Variants in CCDC7 observed in about 807,000 individuals in gnomAD.
CCDC7 encodes the protein coiled-coil domain-containing protein 7.
CCDC7 carries 183 observed loss-of-function variants against 196.9 expected under a neutral mutation model. The ratio of observed to expected loss-of-function variants is 0.93; its 90% CI spans 0.82 to 1.05. CCDC7 has a LOEUF of 1.05. Among genes scored for constraint, CCDC7 ranks in the 50% least tolerant of loss-of-function variants. The probability of loss-of-function intolerance (pLI) is 0.00; values close to 1 mark genes in which losing one functional copy is unlikely to be tolerated. For missense variants in CCDC7, 1,540 were observed against 1,482.2 expected, an observed-to-expected ratio of 1.04 and a Z score of -0.64; for synonymous variants, 525 against 484.6, an observed-to-expected ratio of 1.08 and a Z score of -1.10.
chr10:32,471,277 G>A (rs959263683), intron 6 of CCDC7, 47 bp downstream of exon 7: 2 of 1,579,098 alleles, frequency 1.3e-6, no homozygotes, highest in Non-Finnish European at 1.7e-6. Flanking sequence ...GTAAGAAAGG[G>A]TATATAATTA....
intron 25 of CCDC7, among the ~76,000 whole-genome samples, chr10:32,721,541 C>G (rs958148362): frequency 6.6e-6 from 1 of 152,088 alleles, no homozygotes; most frequent in Non-Finnish European, 1.5e-5. Flanking sequence ...TGGGTGTCAT[C>G]TAGATTTCTG....
intron 33 of CCDC7, among the ~76,000 whole-genome samples, chr10:32,844,832 G>A (rs1311735499): frequency 6.6e-6 from 1 of 151,720 alleles, no homozygotes; most frequent in African/African-American, 2.4e-5. Context: ...AATAAGACAT[G>A]TTGTGACTCT....
upstream of CCDC7, among the ~76,000 whole-genome samples, chr10:32,445,532 AT>A (rs1397397967): frequency 6.6e-6 from 1 of 152,180 alleles, no homozygotes; most frequent in African/African-American, 2.4e-5. Context: ...ATATTTTAAA[AT>A]ATTAAAAACA....
intron 13 of CCDC7, among the ~76,000 whole-genome samples, chr10:32,561,817 A>G (rs1205017059): frequency 6.6e-6 from 1 of 152,230 alleles, no homozygotes; most frequent in East Asian, 1.9e-4. Context: ...GAACTGAAGG[A>G]AATAGAGACA....
chr10:32,847,940 A>C, intron 38 of CCDC7, 24 bp downstream of exon 39: 1 of 1,422,868 alleles, frequency 7.0e-7, no homozygotes, highest in East Asian at 2.3e-5. Context: ...TTTTAAGTCT[A>C]ATATTTACAG....
intron 8 of CCDC7, among the ~76,000 whole-genome samples, chr10:32,490,408 T>G (rs7092132): frequency 0.043 from 6,526 of 152,332 alleles, 145 homozygotes; most frequent in Middle Eastern, 0.065. Flanking sequence ...AAATTGTGGC[T>G]GAAATAATAG....
rs753960854 is a variant in CCDC7, at chr10:32,854,504, A to T, written c.4111+15A>T. 3.7e-6 allele frequency: 5 copies of T among 1,355,272 alleles called. No homozygotes were observed. Among genetic ancestry groups the T allele is most frequent in the Non-Finnish European group, 4.2e-6 (4 of 953,468 alleles). 84.0% of individuals were successfully genotyped at this position (1,355,272 alleles called of 1,614,324 possible). ...TACCTATAAAGGTAAAAGAATCACT[A>T]CAATACAGACATATGAAATAAAACT... On this transcript the variant is annotated intron_variant, in intron 41 of 41. Transcript: ENST00000639629.
At chr10:32,727,467 T>G (rs112753778) in intron 26 of CCDC7, among the ~76,000 whole-genome samples, 24 of 152,114 alleles carry the variant, frequency 1.6e-4, no homozygotes, top group African/African-American at 5.8e-4. Context: ...GATAGGCGAC[T>G]GCACATCATC....
At chr10:32,500,416 G>A (rs890055317) in intron 9 of CCDC7, among the ~76,000 whole-genome samples, 7 of 150,722 alleles carry the variant, frequency 4.6e-5, no homozygotes, top group Non-Finnish European at 7.4e-5. Flanking sequence ...ACGGGGTCAC[G>A]GCCAGGCAGA....
At chr10:32,709,247 C>G (rs1419844077) in intron 24 of CCDC7, among the ~76,000 whole-genome samples, 2 of 146,644 alleles carry the variant, frequency 1.4e-5, no homozygotes, top group Non-Finnish European at 3.0e-5. Context: ...CACATGTTCT[C>G]ACTCATAGGT....
chr10:32,816,690 T>C (rs1264596225), intron 31 of CCDC7, among the ~76,000 whole-genome samples: 1 of 152,172 alleles, frequency 6.6e-6, no homozygotes, highest in East Asian at 1.9e-4. Flanking sequence ...ATATCCGCTG[T>C]TCTGCAGCCT....
chr10:32,819,915 A>G (rs1202107041), intron 31 of CCDC7, among the ~76,000 whole-genome samples: 6 of 152,324 alleles, frequency 3.9e-5, no homozygotes, highest in South Asian at 2.1e-4. Context: ...CAAGACAGGG[A>G]TGTCCTCTCT....
intron 18 of CCDC7, among the ~76,000 whole-genome samples, chr10:32,598,294 C>A (rs748037621): frequency 2.0e-5 from 3 of 152,182 alleles, no homozygotes; most frequent in Non-Finnish European, 2.9e-5. Flanking sequence ...AGATGTGGGA[C>A]CCTCCGAGTC....
intron 22 of CCDC7, 138 bp downstream of exon 23, chr10:32,686,218 G>C (rs947066188): frequency 7.8e-6 from 4 of 511,152 alleles, no homozygotes; most frequent in African/African-American, 4.0e-5. Flanking sequence ...GATAACTAGA[G>C]AACAAAAGCT....
intron 20 of CCDC7, among the ~76,000 whole-genome samples, chr10:32,640,149 T>C (rs956122765): frequency 3.9e-4 from 60 of 152,128 alleles, no homozygotes; most frequent in African/African-American, 1.4e-3. Flanking sequence ...GGTGTTAAAG[T>C]CTCCCATTAT....
chr10:32,689,009 G>T, intron 22 of CCDC7, 44 bp from the exon 24 acceptor site: 1 of 1,225,718 alleles, frequency 8.2e-7, no homozygotes, highest in East Asian at 2.4e-5. Flanking sequence ...ATTTCAAATG[G>T]ATTTATTTGT....
chr10:32,647,481 C>CTTGGGTGACAGAGTG (rs2140072176), intron 20 of CCDC7, among the ~76,000 whole-genome samples: 2 of 6,350 alleles, frequency 3.1e-4, no homozygotes, highest in Non-Finnish European at 9.7e-4. Context: ...CTTTTCTCCA[C>CTTGGGTGACAGAGTG]AGCCTTACCA....
chr10:32,676,804 C>A (rs540698605), intron 21 of CCDC7, among the ~76,000 whole-genome samples: 1 of 152,260 alleles, frequency 6.6e-6, no homozygotes, highest in East Asian at 1.9e-4. Context: ...TTGTGGAAGG[C>A]AGTGTGGCGA....
At chr10:32,810,305 G>T (rs1488505999) in intron 30 of CCDC7, among the ~76,000 whole-genome samples, 1 of 152,010 alleles carries the variant, frequency 6.6e-6, no homozygotes, top group Non-Finnish European at 1.5e-5. Flanking sequence ...CATATAGACT[G>T]GTAGTGAAGG....
Sources: gnomAD v4.1 joint callset for allele counts (sites outside exome capture counted in the v4.1 genomes callset) on GRCh38, gnomAD v4.1.1 for gene constraint, MANE v1.5 for transcripts, NCBI Gene and HGNC (gene_info 2026-07-23, HGNC 2026-07-21) for gene names.